ASXL3: variants seen among roughly 807,000 people sequenced by gnomAD.
ASXL3 encodes putative Polycomb group protein ASXL3.
ASXL3 carries 34 observed loss-of-function variants against 170.6 expected under a neutral mutation model. That is an observed-to-expected ratio of 0.20 (90% CI 0.15 to 0.27). The LOEUF (loss-of-function observed/expected upper bound fraction) is 0.27, where lower values mean the gene tolerates loss of function less well. ASXL3 is among the 10% of genes least tolerant of loss of function. The probability of loss-of-function intolerance (pLI) is 1.00; values close to 1 mark genes in which losing one functional copy is unlikely to be tolerated. For missense variants in ASXL3, 2,592 were observed against 2,695.3 expected, an observed-to-expected ratio of 0.96 and a Z score of 0.85; for synonymous variants, 1,002 against 989.1, an observed-to-expected ratio of 1.01 and a Z score of -0.24.
chr18:33,746,201 A>G lies in ASXL3; in HGVS notation c.6353A>G (p.Lys2118Arg), dbSNP rs2067788468. 5 of 1,613,952 alleles carry G rather than the reference A, an allele frequency of 3.1e-6. No homozygotes were observed. Among genetic ancestry groups the G allele is most frequent in the Non-Finnish European group, 4.2e-6 (5 of 1,179,894 alleles). Residue 2118 changes from lysine to arginine, a missense_variant, in exon 12 of 12, where the codon AAA (lysine) becomes AGA (arginine). By Grantham distance (26) the Lys-to-Arg change is conservative. This residue lies in a region of ASXL3 where 2,246 missense variants were observed against 2,219.6 expected (regional missense o/e 1.01). Transcript: ENST00000269197. ...MKEQLKAFAL[K>R]SADFSSYLLS... is the part of the protein sequence containing the mutation. ...GAACAGTTAAAAGCATTCGCGCTAA[A>G]AAGTGCAGATTTCTCTTCCTATTTG...
At chr18:33,655,691 A>G (rs959598795) in intron 4 of ASXL3, among the ~76,000 whole-genome samples, 20 of 152,074 alleles carry the variant, frequency 1.3e-4, no homozygotes, top group African/African-American at 4.8e-4. Flanking sequence ...TTCCCTGTTC[A>G]AGTCTTTTTA....
intron 7 of ASXL3, among the ~76,000 whole-genome samples, chr18:33,680,021 CTTA>C (rs1234615392): frequency 6.6e-6 from 1 of 151,722 alleles, no homozygotes; most frequent in African/African-American, 2.4e-5. Flanking sequence ...TTCCTTCTTT[CTTA>C]TTATTCTTTA....
chr18:33,610,746 C>T (rs9967208), intron 2 of ASXL3, among the ~76,000 whole-genome samples: 3,883 of 152,088 alleles, frequency 0.026, 184 homozygotes, highest in African/African-American at 0.089. Context: ...GTAACAACTT[C>T]GGCTTGCATT....
intron 8 of ASXL3, among the ~76,000 whole-genome samples, chr18:33,686,492 A>T (rs540528757): frequency 6.6e-6 from 1 of 152,356 alleles, no homozygotes; most frequent in East Asian, 1.9e-4. Context: ...GAAGATTTTT[A>T]TAGTAGAGAG....
rs779139196 is a variant in ASXL3 at position 33,660,369 on chromosome 18, C to T, written c.356-1247C>T. ...ATTTTCTTCCCAGAATTGCCTCTCACGGGCCGCATAGTTATTTCTAGGCAA... is the reference window on the plus strand; with the variant it reads ...ATTTTCTTCCCAGAATTGCCTCTCATGGGCCGCATAGTTATTTCTAGGCAA... On this transcript the variant is annotated intron_variant, in intron 4 of 11. Transcript: ENST00000269197. Among the ~76,000 whole-genome samples the T allele has an allele frequency of 1.9e-4, 29 of 152,122 alleles. 1 individual carries two copies. Among genetic ancestry groups the T allele is most frequent in the Non-Finnish European group, 3.1e-4 (21 of 68,024 alleles).
chr18:33,714,746 CT>C (rs1211817672), intron 8 of ASXL3, among the ~76,000 whole-genome samples: 1 of 152,098 alleles, frequency 6.6e-6, no homozygotes, highest in Non-Finnish European at 1.5e-5. Flanking sequence ...CCCCATTCTC[CT>C]CCCCCGGTCT....
At chr18:33,658,879 T>G (rs781618891) in intron 4 of ASXL3, among the ~76,000 whole-genome samples, 2 of 152,080 alleles carry the variant, frequency 1.3e-5, no homozygotes, top group Non-Finnish European at 2.9e-5. Context: ...ATGGTATTCC[T>G]TAGTGCAGTT....
In ASXL3 at chr18:33,749,862, C is replaced by A. The variant is rs987767995; in HGVS notation, c.*3267C>A. The A allele has an allele frequency of 1.3e-5, 2 of 152,138 alleles. No homozygotes were observed. The highest frequency in any genetic ancestry group is 4.8e-5 in the African/African-American group (2 of 41,412). 9.4% of individuals were successfully genotyped at this position (152,138 alleles called of 1,614,324 possible). A position where few individuals can be genotyped will look rare whatever the true frequency, so the allele number is the denominator to read the frequency against. On this transcript the variant is annotated 3_prime_UTR_variant, in exon 12 of 12. Transcript: ENST00000269197. ...GGACCTTGGATATTCTTACTCGGTT[C>A]AAAATACACAAAAACAAGCTGGTAC...
intron 2 of ASXL3, among the ~76,000 whole-genome samples, chr18:33,631,762 G>T (rs769318382): frequency 6.6e-6 from 1 of 152,070 alleles, no homozygotes; most frequent in Non-Finnish European, 1.5e-5. Context: ...TAAGTGTGAA[G>T]TTGGCCCTGA....
At chr18:33,615,717 TG>T (rs1273542642) in intron 2 of ASXL3, among the ~76,000 whole-genome samples, 1 of 152,184 alleles carries the variant, frequency 6.6e-6, no homozygotes, top group Non-Finnish European at 1.5e-5. Flanking sequence ...TACAGTCTTT[TG>T]TATGTTTGAT....
chr18:33,620,165 G>T (rs2065487555), intron 2 of ASXL3, among the ~76,000 whole-genome samples: 1 of 152,026 alleles, frequency 6.6e-6, no homozygotes, highest in Non-Finnish European at 1.5e-5. Context: ...TGCCAAGCAG[G>T]GCATGTTTCA....
At chr18:33,666,196 C>G (rs1439260030) in intron 5 of ASXL3, among the ~76,000 whole-genome samples, 1 of 152,092 alleles carries the variant, frequency 6.6e-6, no homozygotes, top group Non-Finnish European at 1.5e-5. Context: ...TTTGAAATGA[C>G]AGAATTTAAA....
At chr18:33,622,164 T>C (rs1260433506) in intron 2 of ASXL3, among the ~76,000 whole-genome samples, 1 of 152,128 alleles carries the variant, frequency 6.6e-6, no homozygotes, top group African/African-American at 2.4e-5. Context: ...CAGTATATAA[T>C]ATATGTAATG....
intron 1 of ASXL3, 171 bp downstream of exon 1, chr18:33,578,856 G>A: frequency 3.4e-6 from 1 of 290,724 alleles, no homozygotes; most frequent in Non-Finnish European, 5.6e-6. Flanking sequence ...GCCCCTGTGT[G>A]TGTGCGTGCG....
At chr18:33,719,529 G>A (rs540850221) in intron 8 of ASXL3, among the ~76,000 whole-genome samples, 2 of 152,098 alleles carry the variant, frequency 1.3e-5, no homozygotes, top group South Asian at 4.1e-4. Flanking sequence ...TGGTATAATG[G>A]AAAAGGTATC....
intron 4 of ASXL3, among the ~76,000 whole-genome samples, chr18:33,653,295 C>T (rs1433495709): frequency 6.6e-6 from 1 of 152,008 alleles, no homozygotes; most frequent in Non-Finnish European, 1.5e-5. Context: ...GGCAGCCATT[C>T]CTAAGAATCT....
At chr18:33,595,007 A>C (rs937835244) in intron 1 of ASXL3, among the ~76,000 whole-genome samples, 10 of 152,162 alleles carry the variant, frequency 6.6e-5, no homozygotes, top group Non-Finnish European at 1.5e-4. Context: ...CTCAAATTGG[A>C]AACAGGAACA....
intron 4 of ASXL3, among the ~76,000 whole-genome samples, chr18:33,652,346 C>T (rs547197802): frequency 1.3e-5 from 2 of 151,978 alleles, no homozygotes; most frequent in African/African-American, 4.8e-5. Flanking sequence ...AGACAGTCTT[C>T]GCTCTCTTCA....
chr18:33,710,185 G>A (rs969102521), intron 8 of ASXL3, among the ~76,000 whole-genome samples: 1 of 152,180 alleles, frequency 6.6e-6, no homozygotes, highest in Non-Finnish European at 1.5e-5. Context: ...GAACCCAGGA[G>A]ATGGAGGTTG....
Sources: gnomAD v4.1 joint callset for allele counts (sites outside exome capture counted in the v4.1 genomes callset) on GRCh38, gnomAD v4.1.1 for gene constraint, gnomAD v4.1.1 regional missense constraint, MANE v1.5 for transcripts, NCBI Gene and HGNC (gene_info 2026-07-23, HGNC 2026-07-21) for gene names.